The following NIPA1 variants were observed in gnomAD, a reference collection of about 807,000 sequenced individuals.
NIPA1 encodes NIPA magnesium transporter 1.
Under a neutral mutation model 23.9 loss-of-function variants are expected in NIPA1, and 13 were observed. The observed-to-expected ratio is 0.54, with a 90% CI of 0.35 to 0.87. The LOEUF is 0.87. NIPA1 is among the 40% of genes least tolerant of loss of function. The pLI is 0.01. For synonymous variants in NIPA1, 234 were observed against 202.9 expected, an observed-to-expected ratio of 1.15 and a Z score of -1.30; for missense variants, 362 against 429.7, an observed-to-expected ratio of 0.84 and a Z score of 1.39.
chr15:22,793,758 T>C (rs1238862548), intron 1 of NIPA1, among the ~76,000 whole-genome samples: 1 of 152,202 alleles, frequency 6.6e-6, no homozygotes, highest in South Asian at 2.1e-4. Flanking sequence ...TGGTGACACA[T>C]AGAGGTCCGG....
At position 22,827,172 on chromosome 15, in the gene NIPA1, C is replaced by T. The variant is rs910008365; in HGVS notation, c.*2933C>T. The stretch of plus-strand genomic sequence containing the variant: ...CCTCTAAAATCAAAGGTTTTGATCA[C>T]AATATGCAGATTTCTCTTGATAGAT... On this transcript the variant is annotated 3_prime_UTR_variant, in exon 5 of 5. Coordinates refer to ENST00000337435, the MANE Select transcript of NIPA1 (RefSeq NM_144599.5). 1.3e-5 allele frequency: 2 copies of T among 152,156 alleles called. No homozygotes were observed. Among genetic ancestry groups the T allele is most frequent in the African/African-American group, 4.8e-5 (2 of 41,424 alleles). 9.4% of individuals were successfully genotyped at this position (152,156 alleles called of 1,614,324 possible).
At chr15:22,788,645 A>T (rs890624747) in intron 1 of NIPA1, among the ~76,000 whole-genome samples, 1 of 152,136 alleles carries the variant, frequency 6.6e-6, no homozygotes, top group Admixed American at 6.6e-5. Context: ...AAAGCTGAAT[A>T]CCAGCTTTAG....
At chr15:22,791,159 C>T (rs1039820976) in intron 1 of NIPA1, among the ~76,000 whole-genome samples, 2 of 152,040 alleles carry the variant, frequency 1.3e-5, no homozygotes, top group Admixed American at 6.6e-5. Context: ...TGGTCACTGG[C>T]GAAGTATGAA....
At chr15:22,802,618 G>C (rs1197558447) in intron 1 of NIPA1, among the ~76,000 whole-genome samples, 3 of 151,962 alleles carry the variant, frequency 2.0e-5, no homozygotes, top group African/African-American at 7.3e-5. Flanking sequence ...ACAGTTTGAT[G>C]AGTTTTGACA....
At chr15:22,810,253 G>T (rs889098274) in intron 1 of NIPA1, among the ~76,000 whole-genome samples, 1 of 152,160 alleles carries the variant, frequency 6.6e-6, no homozygotes, top group Admixed American at 6.5e-5. Context: ...TCAGGTGAGT[G>T]TAAGGATGTG....
intron 1 of NIPA1, among the ~76,000 whole-genome samples, chr15:22,787,528 T>C (rs945484289): frequency 2.0e-5 from 3 of 152,226 alleles, no homozygotes; most frequent in African/African-American, 7.2e-5. Flanking sequence ...CCAAGGCCAC[T>C]TCCCAGGTGG....
intron 1 of NIPA1, among the ~76,000 whole-genome samples, chr15:22,805,356 C>A (rs1895185630): frequency 6.6e-6 from 1 of 152,142 alleles, no homozygotes; most frequent in African/African-American, 2.4e-5. Flanking sequence ...GTGCCGGTGT[C>A]AGGAAAGAAT....
chr15:22,802,221 G>A (rs1040225368), intron 1 of NIPA1, among the ~76,000 whole-genome samples: 4 of 152,074 alleles, frequency 2.6e-5, no homozygotes, highest in Middle Eastern at 3.4e-3. Context: ...GTGAAACCCT[G>A]TCTCTACTAA....
chr15:22,800,564 G>A (rs1356206682), intron 1 of NIPA1, among the ~76,000 whole-genome samples: 1 of 151,820 alleles, frequency 6.6e-6, no homozygotes, highest in Non-Finnish European at 1.5e-5. Flanking sequence ...AGGCTGAGGT[G>A]AGCGGATCAC....
Position 22,810,738 on chromosome 15 carries a change from A to T in NIPA1, c.179-11A>T. 6.3e-7 allele frequency: 1 copy of T among 1,590,686 alleles called. No individual in the cohort carries two copies. Among genetic ancestry groups the T allele is most frequent in the Non-Finnish European group, 8.6e-7 (1 of 1,158,652 alleles). On this transcript the variant is annotated splice_polypyrimidine_tract_variant and intron_variant, in intron 1 of 4. Transcript: ENST00000337435. ...CCACTTTTCTGACATTTTTTATCTC[A>T]TTTTTTATAGGTACTTCCTATTTAA...
intron 1 of NIPA1, among the ~76,000 whole-genome samples, chr15:22,800,392 A>G (rs1207846466): frequency 4.6e-5 from 7 of 152,154 alleles, no homozygotes; most frequent in African/African-American, 1.2e-4. Context: ...TAGTGTTTAA[A>G]TTTCTGTGAT....
chr15:22,789,090 T>C (rs1894775279), intron 1 of NIPA1, among the ~76,000 whole-genome samples: 1 of 151,226 alleles, frequency 6.6e-6, no homozygotes, highest in Non-Finnish European at 1.5e-5. Flanking sequence ...CCTCCCGGGT[T>C]CAAGCGATTC....
chr15:22,818,964 T>C (rs1441689381), intron 3 of NIPA1, among the ~76,000 whole-genome samples: 1 of 152,096 alleles, frequency 6.6e-6, no homozygotes, highest in Non-Finnish European at 1.5e-5. Context: ...CAGGCCCACT[T>C]TTTGCCCTGT....
At chr15:22,815,502 T>G (rs1248898637) in intron 3 of NIPA1, among the ~76,000 whole-genome samples, 1 of 151,922 alleles carries the variant, frequency 6.6e-6, no homozygotes, top group Non-Finnish European at 1.5e-5. Context: ...ATTATCCAGG[T>G]GTGGTGGCAC....
upstream of NIPA1, chr15:22,786,598 C>G (rs1265512226): frequency 1.4e-6 from 1 of 690,768 alleles, no homozygotes. Context: ...GGTCACCCCC[C>G]ATCCCGCCCC....
chr15:22,790,171 G>C (rs1182211280), intron 1 of NIPA1, among the ~76,000 whole-genome samples: 5 of 152,134 alleles, frequency 3.3e-5, no homozygotes, highest in Non-Finnish European at 4.4e-5. Flanking sequence ...CTGGCAACTT[G>C]AGAGATCAGA....
chr15:22,791,432 C>G (rs1409165384), intron 1 of NIPA1, among the ~76,000 whole-genome samples: 1 of 149,472 alleles, frequency 6.7e-6, no homozygotes. Context: ...GTTCTGGTGA[C>G]AGTCCTTCTA....
intron 1 of NIPA1, among the ~76,000 whole-genome samples, chr15:22,796,902 A>G (rs749019275): frequency 1.3e-5 from 2 of 152,312 alleles, no homozygotes; most frequent in Non-Finnish European, 2.9e-5. Flanking sequence ...AGGCTTAGTC[A>G]TATTTTTAAA....
intron 1 of NIPA1, among the ~76,000 whole-genome samples, chr15:22,800,704 A>C (rs1256271707): frequency 6.6e-6 from 1 of 151,994 alleles, no homozygotes; most frequent in African/African-American, 2.4e-5. Context: ...CGAGGTGGGC[A>C]TATCACAAGG....
Sources: allele counts gnomAD v4.1 joint callset (sites outside exome capture counted in the v4.1 genomes callset), GRCh38; gene constraint gnomAD v4.1.1; transcripts MANE v1.5; gene names NCBI Gene and HGNC (gene_info 2026-07-23, HGNC 2026-07-21).